Variants in CFAP57 observed in about 807,000 individuals in gnomAD.
The protein encoded by CFAP57 is cilia- and flagella-associated protein 57.
Under a neutral mutation model 146.8 loss-of-function variants are expected in CFAP57, and 116 were observed. That is an observed-to-expected ratio of 0.79 (90% CI 0.68 to 0.92). The LOEUF (loss-of-function observed/expected upper bound fraction) is 0.92, where lower values mean the gene tolerates loss of function less well. CFAP57 is among the 40% of genes least tolerant of loss of function. The pLI is 0.00. For synonymous variants in CFAP57, 518 were observed against 552.8 expected (o/e 0.94, Z 0.88); for missense variants, 1,377 against 1,527.2 (o/e 0.90, Z 1.64).
chr1:43,225,283 T>G (rs1057059780), intron 17 of CFAP57, among the ~76,000 whole-genome samples: 2 of 152,034 alleles, frequency 1.3e-5, no homozygotes, highest in African/African-American at 4.8e-5. Flanking sequence ...CCCTCACAGC[T>G]CCCCATTGCT....
At chr1:43,178,792 C>T (rs1645269015) in intron 2 of CFAP57, among the ~76,000 whole-genome samples, 1 of 152,094 alleles carries the variant, frequency 6.6e-6, no homozygotes, top group African/African-American at 2.4e-5. Flanking sequence ...ATGGTATATA[C>T]CCAAAGGATT....
chr1:43,184,406 G>A (rs1232818524), intron 4 of CFAP57, among the ~76,000 whole-genome samples: 1 of 152,166 alleles, frequency 6.6e-6, no homozygotes, highest in Non-Finnish European at 1.5e-5. Context: ...ATGACAACCA[G>A]TAAAAATCAT....
chr1:43,185,157 A>C lies in CFAP57; in HGVS notation c.770A>C (p.Glu257Ala). Residue 257 changes from glutamate to alanine, a missense_variant, in exon 5 of 23, where the codon GAA becomes GCA. Transcript: ENST00000372492. ...DVIQESESLI[E>A]FPPVSSPLPS... ...TGTTTTTTTGTTTCCAGCCTGATTG[A>C]ATTTCCACCAGTCAGTTCTCCACTC... 2 of 1,614,088 alleles carry C rather than the reference A, an allele frequency of 1.2e-6. No individual in the cohort carries two copies. The highest frequency in any genetic ancestry group is 8.5e-7 in the Non-Finnish European group (1 of 1,180,024).
Position 43,222,089 on chromosome 1 carries a change from C to G in CFAP57, c.2342-16C>G. On this transcript the variant is annotated splice_polypyrimidine_tract_variant and intron_variant, in intron 14 of 22. Coordinates refer to ENST00000372492, the MANE Select transcript of CFAP57 (RefSeq NM_001378189.1). ...GCTGCTCTCCCACCTTAAATACCAT[C>G]CTTGCTTCTCTCCAGAATGTTGCAA... 6.5e-7 allele frequency: 1 copy of G among 1,539,066 alleles called. No homozygotes were observed. The highest frequency in any genetic ancestry group is 2.5e-5 in the East Asian group (1 of 40,362).
chr1:43,225,051 TTTTGTTTGTTTGTTTG>T (rs146484094), intron 17 of CFAP57, among the ~76,000 whole-genome samples: 34 of 151,222 alleles, frequency 2.2e-4, no homozygotes, highest in South Asian at 6.3e-4. Context: ...ATATCCAGGG[TTTTGTTTGTTTGTTTG>T]TTTGTTTGTT....
chr1:43,228,446 A>G (rs1487455457), intron 18 of CFAP57, among the ~76,000 whole-genome samples: 1 of 150,172 alleles, frequency 6.7e-6, no homozygotes, highest in Non-Finnish European at 1.5e-5. Flanking sequence ...CCGGGATAAC[A>G]GATACAAGGG....
intron 12 of CFAP57, among the ~76,000 whole-genome samples, chr1:43,216,618 C>T (rs1251892663): frequency 6.6e-6 from 1 of 152,124 alleles, no homozygotes; most frequent in Non-Finnish European, 1.5e-5. Flanking sequence ...TGTGCATATA[C>T]CGCTCCTTCT....
In CFAP57 at chr1:43,226,833, C is replaced by A. The variant is rs78892967; in HGVS notation, c.2866-150C>A. On this transcript the variant is annotated intron_variant, in intron 17 of 22. Transcript: ENST00000372492. ...TGCTGTAGCCCCATGGGGGGAGTGC[C>A]AGCCTCTGTACTGACGAAGGGAGGA... 1.5e-3 allele frequency: 1,227 copies of A among 815,656 alleles called. 5 individuals are homozygous for A. The African/African-American group carries it at 0.019, about 13-fold the overall frequency. The allele number at this position is 815,656 out of a possible 1,614,324, so 50.5% of individuals were successfully genotyped here. A position where few individuals can be genotyped will look rare whatever the true frequency, so the allele number is the denominator to read the frequency against.
At chr1:43,239,916 T>C (rs1243861045) in intron 21 of CFAP57, among the ~76,000 whole-genome samples, 1 of 152,224 alleles carries the variant, frequency 6.6e-6, no homozygotes, top group Non-Finnish European at 1.5e-5. Flanking sequence ...ATCCACTGCA[T>C]TAGTTATACA....
chr1:43,175,349 G>C (rs12091169), intron 2 of CFAP57, among the ~76,000 whole-genome samples: 30,445 of 151,368 alleles, frequency 0.2, 3,565 homozygotes, highest in Middle Eastern at 0.3. Context: ...TATAGATACA[G>C]ACACACACAT....
intron 9 of CFAP57, chr1:43,206,331 A>G: frequency 5.1e-6 from 1 of 197,574 alleles, no homozygotes; most frequent in African/African-American, 2.3e-5. Context: ...GAGAAGGTCA[A>G]GTTGAGGTTC....
Position 43,222,303 on chromosome 1 carries a change from C to T in CFAP57, c.2532+8C>T. 2 of 1,421,182 alleles carry T rather than the reference C, an allele frequency of 1.4e-6. No homozygotes were observed. The highest frequency in any genetic ancestry group is 1.8e-6 in the Non-Finnish European group (2 of 1,083,560). The allele number at this position is 1,421,182 out of a possible 1,614,324, so 88.0% of individuals were successfully genotyped here. On this transcript the variant is annotated splice_region_variant and intron_variant, in intron 15 of 22. Transcript: ENST00000372492. Reference sequence around the variant, plus strand: ...ACCACCCTTCTGGAAGAGGTACTCACAGGAAGCCATGCTGTGCCTCCCTTT... The same window carrying T: ...ACCACCCTTCTGGAAGAGGTACTCATAGGAAGCCATGCTGTGCCTCCCTTT...
intron 22 of CFAP57, among the ~76,000 whole-genome samples, chr1:43,248,486 T>TA (rs1046855861): frequency 6.7e-6 from 1 of 150,016 alleles, no homozygotes; most frequent in Non-Finnish European, 1.5e-5. Context: ...CCTGGCTAAT[T>TA]TTTTTTTGTA....
chr1:43,224,442 G>T (rs1645166267), intron 17 of CFAP57, among the ~76,000 whole-genome samples: 1 of 152,206 alleles, frequency 6.6e-6, no homozygotes, highest in Non-Finnish European at 1.5e-5. Context: ...TTATGGTTCG[G>T]GAAGCTGAAC....
rs552695565 is a variant in CFAP57, at chr1:43,208,909, A to G, written c.1756-834A>G. On this transcript the variant is annotated intron_variant, in intron 10 of 22. Coordinates refer to ENST00000372492, the MANE Select transcript of CFAP57 (RefSeq NM_001378189.1). ...ATAGTACAGTAGTCCCACCTTACCC[A>G]CAGTTTCAGTTACCTGTGGTCAACC... 2.0e-5 allele frequency among the ~76,000 whole-genome samples: 3 copies of G among 152,348 alleles called. No individual in the cohort carries two copies. In the East Asian group the frequency reaches 5.8e-4, roughly 29 times the overall value.
At chr1:43,199,267 C>G in intron 8 of CFAP57, 123 bp from the exon 9 acceptor site, 1 of 898,700 alleles carries the variant, frequency 1.1e-6, no homozygotes, top group Non-Finnish European at 1.9e-6. Context: ...GCACCTTCCC[C>G]CCACTCCCAC....
Position 43,197,550 on chromosome 1 carries a change from TA to T in CFAP57, c.1123-2del. 6.2e-7 allele frequency: 1 copy of T among 1,614,168 alleles called. No individual in the cohort carries two copies. The highest frequency in any genetic ancestry group is 8.5e-7 in the Non-Finnish European group (1 of 1,180,018). ...GGGATCTTGTTCTGTGTGATTTCTCTAGGGGGAGCCTGCTCACTTTGAGTAT... is the reference window on the plus strand; with the variant it reads ...GGGATCTTGTTCTGTGTGATTTCTCTGGGGGAGCCTGCTCACTTTGAGTAT... On this transcript the variant is annotated splice_acceptor_variant, in intron 6 of 22. Transcript: ENST00000372492. LOFTEE classifies it high-confidence loss of function.
intron 22 of CFAP57, among the ~76,000 whole-genome samples, chr1:43,248,847 A>G (rs896648570): frequency 1.3e-5 from 2 of 149,880 alleles, no homozygotes; most frequent in African/African-American, 4.9e-5. Flanking sequence ...CAATTCCACA[A>G]CTTTTAGAAA....
intron 17 of CFAP57, 80 bp downstream of exon 17, chr1:43,224,284 T>C: frequency 7.1e-7 from 1 of 1,416,224 alleles, no homozygotes; most frequent in Non-Finnish European, 9.3e-7. Flanking sequence ...GGAGAGAGGG[T>C]CCCTAGCTTC....
Sources: allele counts gnomAD v4.1 joint callset (sites outside exome capture counted in the v4.1 genomes callset), GRCh38; gene constraint gnomAD v4.1.1; transcripts MANE v1.5; gene names NCBI Gene and HGNC (gene_info 2026-07-23, HGNC 2026-07-21).